The following SUGP1 variants were observed in gnomAD, a reference collection of about 807,000 sequenced individuals.
The protein encoded by SUGP1 is SURP and G-patch domain-containing protein 1.
A neutral mutation model predicts 76.5 loss-of-function variants in SUGP1; 34 were observed. That is an observed-to-expected ratio of 0.44 (90% confidence interval 0.34 to 0.59). SUGP1 has a LOEUF of 0.59. Among genes scored for constraint, SUGP1 ranks in the 20% least tolerant of loss-of-function variants. The pLI, the probability that SUGP1 is intolerant of heterozygous loss-of-function variation, is 0.01. For missense variants in SUGP1, 752 were observed against 851.7 expected (o/e 0.88, Z 1.46); for synonymous variants, 326 against 326.2 (o/e 1.00, Z 0.01).
At chr19:19,280,504 T>C (rs564705316) in intron 8 of SUGP1, 215 of 554,954 alleles carry the variant, frequency 3.9e-4, no homozygotes, top group Middle Eastern at 9.7e-4. Flanking sequence ...CCTTGTGACC[T>C]CTCCAGCCAG....
chr19:19,313,711 A>G (rs1438063497), intron 2 of SUGP1, among the ~76,000 whole-genome samples: 1 of 151,966 alleles, frequency 6.6e-6, no homozygotes, highest in Non-Finnish European at 1.5e-5. Context: ...CCTGCCTCTG[A>G]AATAAAACAG....
rs779289393 is a variant in SUGP1, at chr19:19,296,999, C to T, written c.1233G>A (p.Ser411=). Residue 411 remains serine, a synonymous_variant, in exon 8 of 14, where the codon TCG becomes TCA. Transcript: ENST00000247001. ...AGAGGGTCTGCCCACCTGACAGAGG[C>T]GAGGGAGAGGCATCCACGTCCCTCT... The part of the protein sequence containing the change: ...LVQRDVDASP[S]PLSVQDLKGL... 42 of 1,577,492 alleles carry T rather than the reference C, an allele frequency of 2.7e-5. 1 individual carries two copies. Among genetic ancestry groups the T allele is most frequent in the South Asian group, 1.4e-4 (12 of 88,374 alleles).
rs552434494 is a variant in SUGP1 at position 19,297,303 on chromosome 19, C to T, written c.929G>A (p.Arg310Gln). The change falls in exon 8 of 14, where the codon CGA becomes CAA. Residue 310 changes from arginine to glutamine, a missense_variant. Coordinates refer to ENST00000247001, the MANE Select transcript of SUGP1 (RefSeq NM_172231.4). ...TTTCCGGAACTCCTCCAGCTTCTGT[C>T]GGTAGTACTTGTACCCTTGGCTATT... is the stretch of plus-strand genomic sequence containing the variant. ...EPNSQGYKYY[R>Q]QKLEEFRKAK... The T allele has an allele frequency of 1.4e-5, 22 of 1,540,176 alleles. No homozygotes were observed. Among genetic ancestry groups the T allele is most frequent in the Non-Finnish European group, 1.8e-5 (21 of 1,139,164 alleles).
chr19:19,298,293 T>G (rs1599859015), intron 7 of SUGP1, among the ~76,000 whole-genome samples: 2 of 152,000 alleles, frequency 1.3e-5, no homozygotes, highest in South Asian at 4.1e-4. Context: ...AGGTCAGGAG[T>G]TCGAGACCAG....
At chr19:19,280,643 G>C (rs570773760) in intron 8 of SUGP1, 13 of 259,532 alleles carry the variant, frequency 5.0e-5, no homozygotes, top group African/African-American at 2.4e-4. Flanking sequence ...AGCTGAGACG[G>C]CATGTGGGCA....
chr19:19,276,995 C>A lies in SUGP1; in HGVS notation c.1863G>T (p.Ala621=), dbSNP rs200033194. 3.1e-6 allele frequency: 5 copies of A among 1,612,966 alleles called. No homozygotes were observed. The East Asian group carries it at 8.9e-5, about 29-fold the overall frequency. ...AGGCCAGCATCATCCTCTTGCGGAA[C>A]GCCTCATACTCGTCGTCCTCCTTGG... The part of the protein sequence containing the change: ...ELSKEDDEYE[A]FRKRMMLAYR... The change falls in exon 13 of 14, where the codon GCG becomes GCT. Residue 621 remains alanine, a synonymous_variant. Transcript: ENST00000247001.
At position 19,277,190 on chromosome 19, in the gene SUGP1, A is replaced by G. The variant is rs562611643; in HGVS notation, c.1782-114T>C. 16 of 1,118,226 alleles carry G rather than the reference A, an allele frequency of 1.4e-5. No individual in the cohort carries two copies. The South Asian group carries it at 1.9e-4, about 13-fold the overall frequency. The allele number at this position is 1,118,226 out of a possible 1,614,324, so 69.3% of individuals were successfully genotyped here. On this transcript the variant is annotated intron_variant, in intron 12 of 13. Coordinates refer to ENST00000247001, the MANE Select transcript of SUGP1 (RefSeq NM_172231.4). ...CGCGGGTGCAGGGCTGGGCTGGGAC[A>G]TATCTGCACAGAGAGAAGCTTGAAC...
intron 3 of SUGP1, among the ~76,000 whole-genome samples, chr19:19,308,642 C>T (rs2061333174): frequency 1.3e-5 from 2 of 152,276 alleles, no homozygotes; most frequent in African/African-American, 2.4e-5. Flanking sequence ...TGTCTCGGGC[C>T]AGCCCGGTGT....
At chr19:19,308,077 A>G (rs2146621947) in intron 3 of SUGP1, among the ~76,000 whole-genome samples, 1 of 152,162 alleles carries the variant, frequency 6.6e-6, no homozygotes, top group African/African-American at 2.4e-5. Flanking sequence ...CTCCTAGGCT[A>G]GAGTACAGTG....
In SUGP1 at chr19:19,303,302, T is replaced by C. The variant is rs369252834; in HGVS notation, c.763+46A>G. ...CCCGATTCCGCATTGGGGCACGGTA[T>C]GTCCACAGGCCTCCCCAGAATCTCC... On this transcript the variant is annotated intron_variant, in intron 6 of 13. Transcript: ENST00000247001. 1.0e-5 allele frequency: 16 copies of C among 1,539,548 alleles called. No individual in the cohort carries two copies. In the African/African-American group the frequency reaches 1.6e-4, roughly 16 times the overall value.
intron 4 of SUGP1, among the ~76,000 whole-genome samples, chr19:19,304,302 T>C (rs2061298247): frequency 6.6e-6 from 1 of 152,172 alleles, no homozygotes; most frequent in Non-Finnish European, 1.5e-5. Context: ...ATAGAAGCTC[T>C]GCGGCCGGTG....
rs1350038440 is a variant in SUGP1 at position 19,306,057 on chromosome 19, G to A, written c.330C>T (p.Pro110=). 2 of 1,604,294 alleles carry A rather than the reference G, an allele frequency of 1.2e-6. No homozygotes were observed. The highest frequency in any genetic ancestry group is 3.4e-5 in the Admixed American group (2 of 58,558). ...QTSTDAPTSA[P]SAPPSTPTPS... is the part of the protein sequence containing the mutation. ...GGGTGGGTGTGCTGGGAGGGGCGCT[G>A]GGCGCACTGGTCGGGGCGTCTGGTA... Residue 110 remains proline, a synonymous_variant, in exon 4 of 14, where the codon CCC becomes CCT. Transcript: ENST00000247001.
chr19:19,276,623 C>A lies in SUGP1; in HGVS notation c.*25G>T. ...CACAGTCCAGGGACGGTTGGTCATT[C>A]AGAAAGTATGTATTTCCAGAACACT... On this transcript the variant is annotated 3_prime_UTR_variant, in exon 14 of 14. Coordinates refer to ENST00000247001, the MANE Select transcript of SUGP1 (RefSeq NM_172231.4). The A allele has an allele frequency of 1.2e-6, 2 of 1,614,004 alleles. No homozygotes were observed. The highest frequency in any genetic ancestry group is 2.2e-5 in the South Asian group (2 of 91,070).
intron 4 of SUGP1, among the ~76,000 whole-genome samples, chr19:19,305,082 C>T (rs754042602): frequency 8.5e-5 from 13 of 152,158 alleles, no homozygotes; most frequent in Non-Finnish European, 1.6e-4. Flanking sequence ...AAAGGACACA[C>T]GCCAGCTCCA....
intron 8 of SUGP1, among the ~76,000 whole-genome samples, chr19:19,285,022 C>T (rs975764464): frequency 3.6e-4 from 53 of 148,926 alleles, no homozygotes; most frequent in African/African-American, 1.1e-3. Context: ...CGCCCGCCAC[C>T]GTGCCTGGCT....
Position 19,302,344 on chromosome 19 carries a change from A to G in SUGP1, c.808T>C (p.Leu270=). The G allele has an allele frequency of 6.2e-7, 1 of 1,614,174 alleles. No homozygotes were observed. The highest frequency in any genetic ancestry group is 8.5e-7 in the Non-Finnish European group (1 of 1,180,022). The change falls in exon 7 of 14, where the codon TTG becomes CTG. Residue 270 remains leucine (L), a synonymous_variant. Coordinates refer to ENST00000247001, the MANE Select transcript of SUGP1 (RefSeq NM_172231.4). ...DEEVKNLAEK[L]ARFIADGGPE... Reference sequence around the variant, plus strand: ...CCCCCGTCCGCTATGAACCTGGCCAACTTTTCTGCAAGGTTCTTGACCTCT... The same window carrying G: ...CCCCCGTCCGCTATGAACCTGGCCAGCTTTTCTGCAAGGTTCTTGACCTCT...
chr19:19,282,723 A>G (rs117136297), intron 8 of SUGP1, among the ~76,000 whole-genome samples: 3,058 of 152,270 alleles, frequency 0.02, 109 homozygotes, highest in South Asian at 0.12. Context: ...GAGATTTGCA[A>G]CAATTCGAAA....
At chr19:19,297,955 G>A (rs1037263126) in intron 7 of SUGP1, among the ~76,000 whole-genome samples, 2 of 152,174 alleles carry the variant, frequency 1.3e-5, no homozygotes, top group African/African-American at 4.8e-5. Flanking sequence ...ACCTACTGGC[G>A]CCTCTCGGAC....
In SUGP1 at chr19:19,315,430, T is replaced by G. The variant is rs937428613; in HGVS notation, c.206+992A>C. On this transcript the variant is annotated intron_variant, in intron 2 of 13. Transcript: ENST00000247001. ...AGAGGAAGGGGCCTGCCTCTCAGAT[T>G]ATCAATCTCCAGCCTGAAAAGCTTG... 4.6e-5 allele frequency among the ~76,000 whole-genome samples: 7 copies of G among 152,082 alleles called. No homozygotes were observed. In the East Asian group the frequency reaches 1.3e-3, roughly 29 times the overall value.
Sources: gnomAD v4.1 joint callset for allele counts (sites outside exome capture counted in the v4.1 genomes callset) on GRCh38, gnomAD v4.1.1 for gene constraint, MANE v1.5 for transcripts, NCBI Gene and HGNC (gene_info 2026-07-23, HGNC 2026-07-21) for gene names.